PCDHA11: variants seen among roughly 807,000 people sequenced by gnomAD.
The protein encoded by PCDHA11 is protocadherin alpha-11.
PCDHA11 carries 61 observed loss-of-function variants against 70.3 expected under a neutral mutation model. That is an observed-to-expected ratio of 0.87 (90% CI 0.71 to 1.07). PCDHA11 has a LOEUF of 1.07. Ranked by LOEUF, PCDHA11 falls within the 50% of genes least tolerant of loss-of-function variation. The pLI, the probability that PCDHA11 is intolerant of heterozygous loss-of-function variation, is 0.00. For missense variants in PCDHA11, 1,324 were observed against 1,237.5 expected, an observed-to-expected ratio of 1.07 and a Z score of -1.05; for synonymous variants, 633 against 555.1, an observed-to-expected ratio of 1.14 and a Z score of -1.97.
chr5:140,893,519 C>T (rs1199543838), intron 1 of PCDHA11, among the ~76,000 whole-genome samples: 1 of 152,084 alleles, frequency 6.6e-6, no homozygotes, highest in African/African-American at 2.4e-5. Flanking sequence ...AGTTGTAGAA[C>T]TCCTTTAAGT....
chr5:140,994,788 C>G (rs139745274), intron 3 of PCDHA11, among the ~76,000 whole-genome samples: 1 of 152,194 alleles, frequency 6.6e-6, no homozygotes, highest in East Asian at 1.9e-4. Context: ...GGAAACAATG[C>G]GTGCATGCAA....
At chr5:140,918,046 G>A (rs1159911161) in intron 1 of PCDHA11, among the ~76,000 whole-genome samples, 2 of 152,006 alleles carry the variant, frequency 1.3e-5, no homozygotes, top group African/African-American at 4.8e-5. Flanking sequence ...CTTTCCATTT[G>A]TTTTATCATC....
intron 1 of PCDHA11, chr5:140,969,574 G>T (rs948199454): frequency 1.0e-6 from 1 of 983,446 alleles, no homozygotes; most frequent in Non-Finnish European, 1.5e-6. Context: ...TGTTTGAGAA[G>T]TGAGGATTAG....
chr5:140,972,316 G>GTT (rs112435719), intron 1 of PCDHA11, among the ~76,000 whole-genome samples: 1 of 139,858 alleles, frequency 7.2e-6, no homozygotes, highest in Non-Finnish European at 1.6e-5. Flanking sequence ...GTTTTTAGGT[G>GTT]TTTTTTTTTT....
intron 1 of PCDHA11, among the ~76,000 whole-genome samples, chr5:140,960,125 G>A (rs2153724181): frequency 6.6e-6 from 1 of 152,336 alleles, no homozygotes; most frequent in East Asian, 1.9e-4. Context: ...TATTCCTTAT[G>A]AAATACTTAG....
intron 1 of PCDHA11, among the ~76,000 whole-genome samples, chr5:140,888,190 A>G (rs2153423083): frequency 6.6e-6 from 1 of 152,280 alleles, no homozygotes; most frequent in East Asian, 1.9e-4. Flanking sequence ...TGTGAATTTT[A>G]CATTGTCGGA....
At chr5:140,917,278 C>T (rs188364646) in intron 1 of PCDHA11, among the ~76,000 whole-genome samples, 198 of 143,570 alleles carry the variant, frequency 1.4e-3, no homozygotes, top group South Asian at 9.8e-3. Flanking sequence ...TTTGTAATGA[C>T]GCTTTTCCGT....
chr5:140,927,136 G>A (rs2083883058), intron 1 of PCDHA11: 3 of 1,613,986 alleles, frequency 1.9e-6, no homozygotes, highest in African/African-American at 2.7e-5. Flanking sequence ...AGAGCCGGCG[G>A]ACCGCGAACA....
intron 3 of PCDHA11, among the ~76,000 whole-genome samples, chr5:140,999,140 G>A (rs1473682487): frequency 6.6e-6 from 1 of 152,164 alleles, no homozygotes; most frequent in African/African-American, 2.4e-5. Context: ...TGTCACAGCC[G>A]GAAGTCTTCA....
intron 1 of PCDHA11, among the ~76,000 whole-genome samples, chr5:140,897,105 C>T (rs981189512): frequency 3.3e-5 from 5 of 152,062 alleles, no homozygotes; most frequent in South Asian, 2.1e-4. Flanking sequence ...TAAAAATCTC[C>T]ACTTTCTGTC....
intron 1 of PCDHA11, among the ~76,000 whole-genome samples, chr5:140,917,163 G>A (rs948639951): frequency 6.6e-6 from 1 of 152,182 alleles, no homozygotes; most frequent in Admixed American, 6.5e-5. Flanking sequence ...ATATGGGAGG[G>A]GTGATGGTGG....
chr5:140,969,547 A>C, intron 1 of PCDHA11: 10 of 1,244,334 alleles, frequency 8.0e-6, no homozygotes, highest in Non-Finnish European at 9.8e-6. Flanking sequence ...AGAGGCATGA[A>C]GCCTTGTCCA....
intron 1 of PCDHA11, chr5:140,966,863 C>G: frequency 6.4e-7 from 1 of 1,562,680 alleles, no homozygotes; most frequent in Non-Finnish European, 8.6e-7. Flanking sequence ...GCTGCTGTTG[C>G]TGCTGCTGCT....
At chr5:140,956,454 A>G (rs1276644004) in intron 1 of PCDHA11, among the ~76,000 whole-genome samples, 1 of 152,212 alleles carries the variant, frequency 6.6e-6, no homozygotes, top group African/African-American at 2.4e-5. Flanking sequence ...AATTACATTT[A>G]TTGATTTGCA....
intron 1 of PCDHA11, among the ~76,000 whole-genome samples, chr5:140,910,884 T>C (rs748501328): frequency 3.3e-5 from 5 of 152,254 alleles, no homozygotes; most frequent in Non-Finnish European, 7.3e-5. Flanking sequence ...ACCCTTAATA[T>C]CCATTCCTAT....
chr5:140,909,494 G>A (rs1554193825), intron 1 of PCDHA11, among the ~76,000 whole-genome samples: 2 of 152,174 alleles, frequency 1.3e-5, no homozygotes, highest in African/African-American at 4.8e-5. Context: ...GAGCTGAACG[G>A]GGATGTGGTG....
chr5:140,884,947 C>CA (rs2060414559), intron 1 of PCDHA11, among the ~76,000 whole-genome samples: 1 of 152,090 alleles, frequency 6.6e-6, no homozygotes, highest in Non-Finnish European at 1.5e-5. Context: ...TGAGCATTTA[C>CA]AAAAAATTCC....
At chr5:140,956,331 C>T (rs1554222358) in intron 1 of PCDHA11, among the ~76,000 whole-genome samples, 1 of 152,064 alleles carries the variant, frequency 6.6e-6, no homozygotes, top group Non-Finnish European at 1.5e-5. Flanking sequence ...TCCTTCAATA[C>T]CTAGTTTATT....
At chr5:140,992,587 A>C (rs1393295001) in intron 3 of PCDHA11, among the ~76,000 whole-genome samples, 2 of 152,186 alleles carry the variant, frequency 1.3e-5, no homozygotes, top group African/African-American at 2.4e-5. Context: ...CCTTGTATGC[A>C]TCTAGCGTCT....
Sources: gnomAD v4.1 joint callset for allele counts (sites outside exome capture counted in the v4.1 genomes callset) on GRCh38, gnomAD v4.1.1 for gene constraint, MANE v1.5 for transcripts, NCBI Gene and HGNC (gene_info 2026-07-23, HGNC 2026-07-21) for gene names.